Variants in ZNF407 observed in about 807,000 individuals in gnomAD.
ZNF407 encodes the protein zinc finger protein 407.
Under a neutral mutation model 131.2 loss-of-function variants are expected in ZNF407, and 17 were observed. The observed-to-expected ratio is 0.13, with a 90% confidence interval of 0.09 to 0.19. ZNF407 has a LOEUF of 0.19. ZNF407 is among the 10% of genes least tolerant of loss of function. ZNF407 has a pLI of 1.00. For missense variants in ZNF407, 2,681 were observed against 2,830.6 expected (o/e 0.95, Z 1.20); for synonymous variants, 1,156 against 1,062.0 (o/e 1.09, Z -1.72).
At chr18:74,599,563 T>TG (rs1982487588) in intron 1 of ZNF407, among the ~76,000 whole-genome samples, 1 of 152,106 alleles carries the variant, frequency 6.6e-6, no homozygotes, top group South Asian at 2.1e-4. Context: ...AATAGAGATG[T>TG]GGGAGCACAG....
At position 75,063,514 on chromosome 18, in the gene ZNF407, C is replaced by T. The variant is rs576552908; in HGVS notation, c.5793C>T (p.Pro1931=). 34 of 1,583,390 alleles carry T rather than the reference C, an allele frequency of 2.1e-5. No homozygotes were observed. The highest frequency in any genetic ancestry group is 3.3e-4 in the Middle Eastern group (2 of 6,024). Residue 1931 remains proline (P), a synonymous_variant, in exon 9 of 9, where the codon CCC becomes CCT. Transcript: ENST00000299687. This position sits in a 1 kb window ranked among gnomAD's most constrained non-coding sequence, Gnocchi z 6.6. The part of the protein sequence containing the change: ...VGSVVPGPIL[P]EQLADGATQV... ...GCGTGGTGCCCGGACCCATCCTCCC[C>T]GAGCAGCTGGCTGATGGAGCCACCC...
At chr18:74,638,908 A>G (rs998264547) in intron 2 of ZNF407, among the ~76,000 whole-genome samples, 4 of 152,132 alleles carry the variant, frequency 2.6e-5, no homozygotes, top group Admixed American at 2.6e-4. Flanking sequence ...ACAAGGAAAA[A>G]AGGGCCCTTT....
intron 8 of ZNF407, among the ~76,000 whole-genome samples, chr18:74,990,965 G>C (rs548559559): frequency 1.3e-5 from 2 of 152,286 alleles, no homozygotes; most frequent in East Asian, 3.9e-4. Flanking sequence ...GGTGAAGGGG[G>C]TGCTGAGCTG....
At chr18:74,981,614 T>A (rs1374705615) in intron 8 of ZNF407, among the ~76,000 whole-genome samples, 1 of 151,988 alleles carries the variant, frequency 6.6e-6, no homozygotes, top group African/African-American at 2.4e-5. Context: ...GCTAGAGGGG[T>A]CCCGAAAGGC....
chr18:74,726,379 G>T (rs922529920), intron 3 of ZNF407, among the ~76,000 whole-genome samples: 8 of 152,182 alleles, frequency 5.3e-5, no homozygotes, highest in African/African-American at 1.9e-4. Flanking sequence ...CATCATGTCT[G>T]AATCATGAGA....
rs186334896 is a variant in ZNF407 at position 74,953,959 on chromosome 18, A to T, written c.5428+33267A>T. 4.7e-3 allele frequency among the ~76,000 whole-genome samples: 709 copies of T among 152,320 alleles called. 5 individuals carry two copies. The highest frequency in any genetic ancestry group is 7.3e-3 in the Non-Finnish European group (499 of 68,026). ...AAGATAGGCTCAAAGTAAGGAGAAAAAGGGATAGTGTATGTTTTGTGTGTG... is the reference window on the plus strand; with the variant it reads ...AAGATAGGCTCAAAGTAAGGAGAAATAGGGATAGTGTATGTTTTGTGTGTG... On this transcript the variant is annotated intron_variant, in intron 8 of 8. Transcript: ENST00000299687.
intron 7 of ZNF407, among the ~76,000 whole-genome samples, chr18:74,919,613 C>T (rs1971819189): frequency 6.6e-6 from 1 of 152,172 alleles, no homozygotes; most frequent in Non-Finnish European, 1.5e-5. Flanking sequence ...TTGTTTCTTT[C>T]TAGATAACCC....
In ZNF407 at chr18:75,063,545, G is replaced by A. The variant is rs745863798; in HGVS notation, c.5824G>A (p.Val1942Ile). 2.0e-5 allele frequency: 31 copies of A among 1,568,460 alleles called. No individual in the cohort carries two copies. Among genetic ancestry groups the A allele is most frequent in the Non-Finnish European group, 8.6e-6 (10 of 1,158,248 alleles). The change falls in exon 9 of 9, where the codon GTC (valine) becomes ATC (isoleucine). Residue 1942 changes from valine (V) to isoleucine (I), a missense_variant. By Grantham distance (29) the Val-to-Ile change is conservative. Transcript: ENST00000299687. The surrounding 1 kb of genome is among the most constrained non-coding windows in gnomAD (Gnocchi z 6.6). ...GCTGGCTGATGGAGCCACCCAGGTG[G>A]TCGTCGTGGGGGGCTCCATGGAAGG... ...EQLADGATQV[V>I]VVGGSMEGHG...
Position 75,063,588 on chromosome 18 carries a change from C to A in ZNF407, c.5867C>A (p.Ser1956Tyr). 6.4e-7 allele frequency: 1 copy of A among 1,569,934 alleles called. No homozygotes were observed. The change falls in exon 9 of 9, where the codon TCC (serine) becomes TAC (tyrosine). Residue 1956 changes from serine to tyrosine, a missense_variant. Transcript: ENST00000299687. This position sits in a 1 kb window ranked among gnomAD's most constrained non-coding sequence, Gnocchi z 6.6. ...GSMEGHGMDESLSPGGAVIQQ... is the reference protein window; with the variant it reads ...GSMEGHGMDEYLSPGGAVIQQ... ...ATGGAAGGCCACGGCATGGATGAGT[C>A]CCTCAGTCCAGGTGGCGCTGTGATA...
chr18:74,896,857 T>C (rs1010141824), intron 7 of ZNF407, among the ~76,000 whole-genome samples: 1 of 152,352 alleles, frequency 6.6e-6, no homozygotes, highest in East Asian at 1.9e-4. Context: ...TGTTAATCTA[T>C]TCTTCCTTTT....
intron 8 of ZNF407, among the ~76,000 whole-genome samples, chr18:75,024,826 T>C (rs2122210165): frequency 1.3e-5 from 2 of 152,344 alleles, no homozygotes; most frequent in African/African-American, 4.8e-5. Flanking sequence ...TCTGGTTCAA[T>C]AATTATCTGA....
At chr18:74,962,027 G>A (rs1972351397) in intron 8 of ZNF407, among the ~76,000 whole-genome samples, 1 of 152,116 alleles carries the variant, frequency 6.6e-6, no homozygotes, top group African/African-American at 2.4e-5. Flanking sequence ...AAGTTTAGAA[G>A]GCCATTTCCT....
At chr18:74,992,602 G>A (rs1365049310) in intron 8 of ZNF407, among the ~76,000 whole-genome samples, 1 of 152,254 alleles carries the variant, frequency 6.6e-6, no homozygotes, top group East Asian at 1.9e-4. Context: ...AGGGCTGTGA[G>A]CGTCACGGAA....
chr18:74,710,820 C>T (rs777614103), intron 3 of ZNF407, among the ~76,000 whole-genome samples: 1 of 152,090 alleles, frequency 6.6e-6, no homozygotes, highest in African/African-American at 2.4e-5. Flanking sequence ...CTAATTGTTG[C>T]GTTTGGCTTT....
intron 8 of ZNF407, among the ~76,000 whole-genome samples, chr18:74,948,754 G>A (rs577936005): frequency 6.6e-6 from 1 of 152,164 alleles, no homozygotes; most frequent in African/African-American, 2.4e-5. Context: ...ATAAGCTTGT[G>A]TAAGAATGCT....
intron 4 of ZNF407, among the ~76,000 whole-genome samples, chr18:74,857,150 C>T (rs1970870523): frequency 1.3e-5 from 2 of 152,100 alleles, no homozygotes; most frequent in South Asian, 2.1e-4. Context: ...TGGGCAAGGC[C>T]GATTTAAACC....
At chr18:74,835,624 A>AGGGG (rs372471246) in intron 4 of ZNF407, among the ~76,000 whole-genome samples, 1 of 64,648 alleles carries the variant, frequency 1.5e-5, no homozygotes, top group Non-Finnish European at 3.1e-5. Context: ...TCTTGGACAG[A>AGGGG]GGGGGGTGTG....
At chr18:74,885,154 C>T (rs1029942383) in intron 6 of ZNF407, among the ~76,000 whole-genome samples, 2 of 152,060 alleles carry the variant, frequency 1.3e-5, no homozygotes, top group African/African-American at 2.4e-5. Flanking sequence ...TCTTATTATA[C>T]AGCAACCATA....
chr18:74,933,234 C>T (rs1317499404), intron 8 of ZNF407, among the ~76,000 whole-genome samples: 1 of 152,194 alleles, frequency 6.6e-6, no homozygotes, highest in African/African-American at 2.4e-5. Context: ...AAATCTGGCA[C>T]ATGCTATTAC....
Sources: allele counts gnomAD v4.1 joint callset (sites outside exome capture counted in the v4.1 genomes callset), GRCh38; gene constraint gnomAD v4.1.1; non-coding constraint Gnocchi (gnomAD v3.1); transcripts MANE v1.5; gene names NCBI Gene and HGNC (gene_info 2026-07-23, HGNC 2026-07-21).